DENND1A: variants seen among roughly 807,000 people sequenced by gnomAD.
DENND1A encodes the protein DENN domain-containing protein 1A.
DENND1A carries 51 observed loss-of-function variants against 113.7 expected under a neutral mutation model. That is an observed-to-expected ratio of 0.45 (90% CI 0.36 to 0.57). The LOEUF (loss-of-function observed/expected upper bound fraction) is 0.57. Ranked by LOEUF, DENND1A falls within the 20% of genes least tolerant of loss-of-function variation. The probability of loss-of-function intolerance (pLI) is 0.00; values close to 1 mark genes in which losing one functional copy is unlikely to be tolerated. For missense variants in DENND1A, 1,258 were observed against 1,395.9 expected (o/e 0.90, Z 1.57); for synonymous variants, 565 against 570.8 (o/e 0.99, Z 0.14).
chr9:123,520,784 G>A (rs2135000786), intron 13 of DENND1A, among the ~76,000 whole-genome samples: 1 of 152,298 alleles, frequency 6.6e-6, no homozygotes, highest in East Asian at 1.9e-4. Context: ...ATGCTTCCTG[G>A]TACCTGACTC....
intron 13 of DENND1A, among the ~76,000 whole-genome samples, chr9:123,545,853 G>A (rs2056641526): frequency 6.6e-6 from 1 of 152,108 alleles, no homozygotes. Flanking sequence ...ATTGTCAAAT[G>A]TTATCATTGC....
intron 11 of DENND1A, among the ~76,000 whole-genome samples, chr9:123,593,928 G>T (rs1257033431): frequency 6.6e-6 from 1 of 152,068 alleles, no homozygotes; most frequent in Non-Finnish European, 1.5e-5. Flanking sequence ...AGATCTGGTT[G>T]TTTGAAAGTG....
intron 2 of DENND1A, 86 bp downstream of exon 2, chr9:123,878,865 T>A: frequency 7.6e-7 from 1 of 1,321,134 alleles, no homozygotes; most frequent in Non-Finnish European, 1.1e-6. Flanking sequence ...AAATAACAAT[T>A]TACTCATATT....
At chr9:123,535,557 G>A (rs1305530184) in intron 13 of DENND1A, among the ~76,000 whole-genome samples, 1 of 152,186 alleles carries the variant, frequency 6.6e-6, no homozygotes, top group African/African-American at 2.4e-5. Context: ...TGTTCACTCT[G>A]CTTTAGCCAT....
chr9:123,858,528 G>A lies in DENND1A; in HGVS notation c.88+20423C>T, dbSNP rs1844607808. Among the ~76,000 whole-genome samples the A allele has an allele frequency of 5.3e-5, 8 of 152,132 alleles. No individual in the cohort carries two copies. In the South Asian group the frequency reaches 1.7e-3, roughly 32 times the overall value. On this transcript the variant is annotated intron_variant, in intron 2 of 23. Coordinates refer to ENST00000394215, the MANE Select transcript of DENND1A (RefSeq NM_001352964.2). The stretch of plus-strand genomic sequence containing the variant: ...CCCTTCAACAAGACCGTGGATAGAA[G>A]GAACAGTTTAGGATTAGGATCGGCG...
intron 19 of DENND1A, among the ~76,000 whole-genome samples, chr9:123,435,737 C>T (rs960267745): frequency 6.6e-6 from 1 of 152,232 alleles, no homozygotes. Flanking sequence ...TGAACTCACA[C>T]AATCAGGCCA....
At chr9:123,462,524 C>T (rs1309962372) in intron 13 of DENND1A, among the ~76,000 whole-genome samples, 2 of 152,304 alleles carry the variant, frequency 1.3e-5, no homozygotes, top group South Asian at 2.1e-4. Context: ...TGGCCAGGCA[C>T]GGTGGCTCAC....
In DENND1A at chr9:123,806,160, G is replaced by T. The variant is rs1467365846; in HGVS notation, c.89-13530C>A. Among the ~76,000 whole-genome samples, 3 of 152,044 alleles carry T rather than the reference G, an allele frequency of 2.0e-5. No individual in the cohort carries two copies. The East Asian group carries it at 5.8e-4, about 29-fold the overall frequency. ...GTAGAGATGGGGTTTTGCCATGTTG[G>T]GCAGGCTGGTCTTGAACTCCTGACC... On this transcript the variant is annotated intron_variant, in intron 2 of 23. Coordinates refer to ENST00000394215, the MANE Select transcript of DENND1A (RefSeq NM_001352964.2).
intron 2 of DENND1A, chr9:123,842,965 A>C (rs61294510): frequency 0.012 from 4,390 of 357,048 alleles, 199 homozygotes; most frequent in African/African-American, 0.089. Context: ...CCCTTCCCAC[A>C]TGATAGTAGG....
Position 123,557,626 on chromosome 9 carries a change from G to A in DENND1A, c.937C>T (p.Leu313Phe). The A allele has an allele frequency of 1.2e-6, 2 of 1,614,078 alleles. No individual in the cohort carries two copies. Among genetic ancestry groups the A allele is most frequent in the East Asian group, 2.2e-5 (1 of 44,874 alleles). ...TTGDGVARAF[L>F]KAQAAFFGSY... ...CCGAAGAAAGCAGCCTGGGCCTTGA[G>A]GAACGCTCTGGCCACACCATCCCCA... Residue 313 changes from leucine to phenylalanine, a missense_variant, in exon 13 of 24, where the codon CTC becomes TTC. Transcript: ENST00000394215.
chr9:123,430,929 G>C (rs550404484), intron 19 of DENND1A, among the ~76,000 whole-genome samples: 2 of 152,244 alleles, frequency 1.3e-5, no homozygotes, highest in African/African-American at 4.8e-5. Flanking sequence ...CTTGAGCCTG[G>C]AAGGTTGAGG....
intron 12 of DENND1A, among the ~76,000 whole-genome samples, chr9:123,572,578 G>A (rs559486491): frequency 2.6e-5 from 4 of 152,140 alleles, no homozygotes; most frequent in East Asian, 3.9e-4. Flanking sequence ...CTAACGATGC[G>A]GAGTATCTTT....
intron 2 of DENND1A, among the ~76,000 whole-genome samples, chr9:123,828,433 C>T (rs183380552): frequency 1.3e-5 from 2 of 151,200 alleles, no homozygotes; most frequent in East Asian, 3.9e-4. Flanking sequence ...ATTGGGAGTC[C>T]CAGAAAAAAG....
At position 123,555,838 on chromosome 9, in the gene DENND1A, C is replaced by T. The variant is rs376453379; in HGVS notation, c.993+1732G>A. 1.7e-4 allele frequency among the ~76,000 whole-genome samples: 26 copies of T among 152,282 alleles called. 2 individuals are homozygous for T. In the South Asian group the frequency reaches 5.2e-3, roughly 30 times the overall value. Reference sequence around the variant, plus strand: ...CAGATCCTGCAGCAGCAATATGTCCCGAACTTCAGCTGCCTTTGGATTCCA... The same window carrying T: ...CAGATCCTGCAGCAGCAATATGTCCTGAACTTCAGCTGCCTTTGGATTCCA... On this transcript the variant is annotated intron_variant, in intron 13 of 23. Coordinates refer to ENST00000394215, the MANE Select transcript of DENND1A (RefSeq NM_001352964.2).
chr9:123,825,513 T>A (rs1416379198), intron 2 of DENND1A, among the ~76,000 whole-genome samples: 1 of 152,164 alleles, frequency 6.6e-6, no homozygotes, highest in Non-Finnish European at 1.5e-5. Context: ...GTTGCAGGTG[T>A]CCAATCCTAC....
chr9:123,853,445 C>T (rs1843676706), intron 2 of DENND1A, among the ~76,000 whole-genome samples: 1 of 151,668 alleles, frequency 6.6e-6, no homozygotes, highest in South Asian at 2.1e-4. Context: ...AGGCGGATGA[C>T]TTGAGTTCAG....
At chr9:123,877,482 C>A (rs1847669137) in intron 2 of DENND1A, among the ~76,000 whole-genome samples, 1 of 146,168 alleles carries the variant, frequency 6.8e-6, no homozygotes, top group Non-Finnish European at 1.5e-5. Context: ...GTGCAAGATG[C>A]CGTCTCAAAA....
At chr9:123,449,371 AT>A (rs1162187752) in intron 18 of DENND1A, among the ~76,000 whole-genome samples, 2 of 152,092 alleles carry the variant, frequency 1.3e-5, no homozygotes, top group African/African-American at 4.8e-5. Context: ...CCCGTCTCTA[AT>A]AAAAATACAA....
intron 2 of DENND1A, among the ~76,000 whole-genome samples, chr9:123,842,638 TC>T (rs1841998756): frequency 6.6e-6 from 1 of 152,156 alleles, no homozygotes; most frequent in Non-Finnish European, 1.5e-5. Context: ...TTTGAAAACT[TC>T]CCACCAAAAC....
Sources: gnomAD v4.1 joint callset for allele counts (sites outside exome capture counted in the v4.1 genomes callset) on GRCh38, gnomAD v4.1.1 for gene constraint, MANE v1.5 for transcripts, NCBI Gene and HGNC (gene_info 2026-07-23, HGNC 2026-07-21) for gene names.